RGS20: variants seen among roughly 807,000 people sequenced by gnomAD.
RGS20 encodes regulator of G protein signaling 20, also known as gz-selective GTPase-activating protein.
In RGS20, 30 loss-of-function variants were observed where a neutral mutation model predicts 33.6. The ratio of observed to expected loss-of-function variants is 0.89; its 90% CI spans 0.67 to 1.21. RGS20 has a LOEUF of 1.21. Among genes scored for constraint, RGS20 ranks in the 50% most tolerant of loss-of-function variants. The pLI is 0.00. For missense variants in RGS20, 472 were observed against 502.4 expected, an observed-to-expected ratio of 0.94 and a Z score of 0.58; for synonymous variants, 208 against 197.9, an observed-to-expected ratio of 1.05 and a Z score of -0.43.
At chr8:53,939,811 TG>T in intron 3 of RGS20, 87 bp downstream of exon 2, 1 of 1,414,598 alleles carries the variant, frequency 7.1e-7, no homozygotes, top group Non-Finnish European at 9.4e-7. Context: ...CTGAAAGTGG[TG>T]GCAGCTTATG....
intron 2 of RGS20, chr8:53,881,039 G>A: frequency 6.4e-7 from 1 of 1,570,080 alleles, no homozygotes; most frequent in African/African-American, 1.4e-5. Context: ...ACGGAGGCGA[G>A]CCGGCCGGGG....
At chr8:53,950,169 G>A (rs938417918) in intron 4 of RGS20, among the ~76,000 whole-genome samples, 5 of 151,860 alleles carry the variant, frequency 3.3e-5, no homozygotes, top group African/African-American at 1.2e-4. Context: ...GAAATGACCT[G>A]GAAGATTTGA....
intron 2 of RGS20, among the ~76,000 whole-genome samples, chr8:53,896,590 G>A (rs1310072647): frequency 6.6e-6 from 1 of 152,166 alleles, no homozygotes; most frequent in East Asian, 1.9e-4. Flanking sequence ...TTCAAGCAAT[G>A]ACAGTTTTAA....
intron 1 of RGS20, among the ~76,000 whole-genome samples, chr8:53,878,811 A>C (rs908530747): frequency 1.3e-5 from 2 of 152,208 alleles, no homozygotes; most frequent in African/African-American, 2.4e-5. Context: ...AGGGGGAACA[A>C]GGGAAGACCA....
chr8:53,878,069 C>A (rs1812248020), intron 1 of RGS20, among the ~76,000 whole-genome samples: 1 of 152,246 alleles, frequency 6.6e-6, no homozygotes, highest in Non-Finnish European at 1.5e-5. Flanking sequence ...TCGCCTCCCG[C>A]GCCTCACCAC....
At chr8:53,882,476 G>A (rs1368159480) in intron 2 of RGS20, among the ~76,000 whole-genome samples, 2 of 152,108 alleles carry the variant, frequency 1.3e-5, no homozygotes, top group Non-Finnish European at 2.9e-5. Flanking sequence ...GCTGCCCACG[G>A]GCCACGGGCG....
At position 53,879,394 on chromosome 8, in the gene RGS20, G is replaced by C. The variant is rs781282470; in HGVS notation, c.302G>C (p.Arg101Pro). 1 of 1,610,722 alleles carries C rather than the reference G, an allele frequency of 6.2e-7. No homozygotes were observed. The highest frequency in any genetic ancestry group is 1.7e-5 in the Admixed American group (1 of 59,962). ...CCCCCTCCCGAGGCTCCCCGGAGGC[G>C]CCTGGACTTCTCCCCCCTGCTTCCC... Residue 101 changes from arginine to proline, a missense_variant, in exon 2 of 6, where the codon CGC becomes CCC. Transcript: ENST00000297313.
At chr8:53,874,613 T>C (rs1465220521) in intron 1 of RGS20, among the ~76,000 whole-genome samples, 1 of 152,228 alleles carries the variant, frequency 6.6e-6, no homozygotes, top group Non-Finnish European at 1.5e-5. Context: ...CGTTTCCATG[T>C]TGCAATCTTG....
At chr8:53,942,103 G>A (rs544038294) in intron 3 of RGS20, among the ~76,000 whole-genome samples, 5 of 152,102 alleles carry the variant, frequency 3.3e-5, no homozygotes, top group Admixed American at 1.3e-4. Flanking sequence ...GAGAAAACTC[G>A]TTTCTACTAA....
intron 1 of RGS20, among the ~76,000 whole-genome samples, chr8:53,858,684 T>A (rs1013297316): frequency 6.6e-6 from 1 of 151,904 alleles, no homozygotes; most frequent in Non-Finnish European, 1.5e-5. Flanking sequence ...CGATGGCACA[T>A]GATACTGATT....
Position 53,905,668 on chromosome 8 carries a change from AC to A in RGS20, c.510+26067del, listed in dbSNP as rs141953251. 5.0e-3 allele frequency among the ~76,000 whole-genome samples: 764 copies of A among 152,296 alleles called. 6 individuals are homozygous for A. Among genetic ancestry groups the A allele is most frequent in the African/African-American group, 0.018 (734 of 41,576 alleles). On this transcript the variant is annotated intron_variant, in intron 2 of 5. Coordinates refer to ENST00000297313, the MANE Select transcript of RGS20 (RefSeq NM_170587.4). ...GGTGACCCGGTGTTACTCTTGCAGT[AC>A]GTGATTCAGAGAAAGCCACATTCCC...
At chr8:53,915,937 T>C (rs1813471135) in intron 2 of RGS20, among the ~76,000 whole-genome samples, 1 of 152,218 alleles carries the variant, frequency 6.6e-6, no homozygotes, top group Non-Finnish European at 1.5e-5. Flanking sequence ...TTCACTATTG[T>C]TTCTTGTATT....
intron 2 of RGS20, among the ~76,000 whole-genome samples, chr8:53,908,023 G>A (rs1490076748): frequency 1.3e-5 from 2 of 152,174 alleles, no homozygotes; most frequent in African/African-American, 2.4e-5. Context: ...TGAGGCAGGT[G>A]ATGAAAGGTC....
intron 2 of RGS20, among the ~76,000 whole-genome samples, chr8:53,888,154 T>C (rs1411450142): frequency 6.6e-6 from 1 of 152,212 alleles, no homozygotes; most frequent in Non-Finnish European, 1.5e-5. Flanking sequence ...GGTATAGATA[T>C]TTCTTTGCAT....
At chr8:53,875,512 T>C (rs1051179200) in intron 1 of RGS20, among the ~76,000 whole-genome samples, 3 of 150,800 alleles carry the variant, frequency 2.0e-5, no homozygotes, top group African/African-American at 7.3e-5. Flanking sequence ...ACTTGGCTAG[T>C]AATACCTATG....
Position 53,920,801 on chromosome 8 carries a change from CG to C in RGS20, c.511-18772del, listed in dbSNP as rs1188642608. ...AGACGGGCAGTCTCACTCTGTTGCC[CG>C]GGCTGGAGTGCAGTGGTGCAATTTC... is the stretch of plus-strand genomic sequence containing the variant. On this transcript the variant is annotated intron_variant, in intron 2 of 5. Transcript: ENST00000297313. 3.9e-5 allele frequency among the ~76,000 whole-genome samples: 6 copies of C among 152,138 alleles called. No homozygotes were observed. The East Asian group carries it at 1.2e-3, about 29-fold the overall frequency.
At chr8:53,950,381 A>T (rs1257959888) in intron 4 of RGS20, among the ~76,000 whole-genome samples, 1 of 152,120 alleles carries the variant, frequency 6.6e-6, no homozygotes, top group Admixed American at 6.6e-5. Flanking sequence ...AATGTCTCAG[A>T]TTTCAGATTT....
chr8:53,856,660 A>G (rs1811677060), intron 1 of RGS20, among the ~76,000 whole-genome samples: 1 of 152,218 alleles, frequency 6.6e-6, no homozygotes, highest in Non-Finnish European at 1.5e-5. Context: ...TGCTCTAGTG[A>G]TAAGTCAACT....
intron 2 of RGS20, among the ~76,000 whole-genome samples, chr8:53,887,573 A>G (rs1002265883): frequency 5.3e-5 from 8 of 152,360 alleles, no homozygotes; most frequent in Non-Finnish European, 1.2e-4. Context: ...TGCTGGCCAG[A>G]GAGCAGCCCA....
Sources: allele counts gnomAD v4.1 joint callset (sites outside exome capture counted in the v4.1 genomes callset), GRCh38; gene constraint gnomAD v4.1.1; transcripts MANE v1.5; gene names NCBI Gene and HGNC (gene_info 2026-07-23, HGNC 2026-07-21).